Variants in GPC5 observed in about 807,000 individuals in gnomAD.
GPC5 encodes the protein glypican 5.
A neutral mutation model predicts 53.9 loss-of-function variants in GPC5; 47 were observed. That is an observed-to-expected ratio of 0.87 (90% confidence interval 0.69 to 1.11). GPC5 has a LOEUF of 1.11. Ranked by LOEUF, GPC5 falls within the 50% of genes most tolerant of loss-of-function variation. The pLI is 0.00. For synonymous variants in GPC5, 286 were observed against 263.3 expected, an observed-to-expected ratio of 1.09 and a Z score of -0.84; for missense variants, 748 against 713.1, an observed-to-expected ratio of 1.05 and a Z score of -0.56.
intron 7 of GPC5, among the ~76,000 whole-genome samples, chr13:92,296,948 C>T (rs1185908138): frequency 2.6e-5 from 4 of 152,214 alleles, no homozygotes; most frequent in African/African-American, 9.6e-5. Context: ...GAGCCTCCCA[C>T]CCCCTCCATG....
At chr13:92,346,651 A>C (rs766784622) in intron 7 of GPC5, among the ~76,000 whole-genome samples, 1 of 152,232 alleles carries the variant, frequency 6.6e-6, no homozygotes, top group Non-Finnish European at 1.5e-5. Flanking sequence ...GATTATGAAG[A>C]ATTAGGGAAT....
intron 6 of GPC5, among the ~76,000 whole-genome samples, chr13:92,038,666 A>G (rs1282142427): frequency 7.8e-6 from 1 of 128,552 alleles, no homozygotes; most frequent in Non-Finnish European, 1.7e-5. Flanking sequence ...ACTTTAGTAC[A>G]AATCTATATA....
At chr13:91,790,708 A>G (rs2037950634) in intron 5 of GPC5, among the ~76,000 whole-genome samples, 1 of 152,372 alleles carries the variant, frequency 6.6e-6, no homozygotes, top group African/African-American at 2.4e-5. Context: ...ACTTCTCCTC[A>G]ACCTAAATAT....
intron 7 of GPC5, among the ~76,000 whole-genome samples, chr13:92,617,611 T>C (rs1258685399): frequency 6.6e-6 from 1 of 152,208 alleles, no homozygotes; most frequent in Non-Finnish European, 1.5e-5. Flanking sequence ...TCACTTGATA[T>C]GTATTTATGA....
At chr13:92,794,458 C>A (rs1348304732) in intron 7 of GPC5, among the ~76,000 whole-genome samples, 1 of 152,110 alleles carries the variant, frequency 6.6e-6, no homozygotes, top group African/African-American at 2.4e-5. Context: ...GAAGCATTCC[C>A]TTTGAAATCC....
intron 7 of GPC5, among the ~76,000 whole-genome samples, chr13:92,764,173 A>C (rs1370383781): frequency 6.6e-6 from 1 of 152,208 alleles, no homozygotes; most frequent in South Asian, 2.1e-4. Context: ...GGACAAATGC[A>C]ACAGTTACTG....
intron 7 of GPC5, among the ~76,000 whole-genome samples, chr13:92,151,066 G>A (rs149925761): frequency 3.6e-4 from 54 of 151,984 alleles, no homozygotes; most frequent in African/African-American, 1.2e-3. Flanking sequence ...ATTCTGTCTC[G>A]GGATTGATAA....
chr13:91,459,602 C>T (rs1881798858), intron 2 of GPC5, among the ~76,000 whole-genome samples: 1 of 151,950 alleles, frequency 6.6e-6, no homozygotes, highest in Non-Finnish European at 1.5e-5. Flanking sequence ...ACTTGAGTCT[C>T]CAAGTCTGTT....
intron 7 of GPC5, among the ~76,000 whole-genome samples, chr13:92,757,213 C>G (rs574810135): frequency 2.6e-5 from 4 of 152,230 alleles, no homozygotes; most frequent in Admixed American, 6.5e-5. Flanking sequence ...AGAAACCTGA[C>G]AAAAACAAGA....
intron 2 of GPC5, among the ~76,000 whole-genome samples, chr13:91,529,768 T>G (rs1886252485): frequency 6.6e-6 from 1 of 152,162 alleles, no homozygotes; most frequent in Non-Finnish European, 1.5e-5. Flanking sequence ...CTCATAAGAG[T>G]CCTGGGGATT....
At chr13:92,249,874 T>C (rs771700916) in intron 7 of GPC5, among the ~76,000 whole-genome samples, 1 of 152,130 alleles carries the variant, frequency 6.6e-6, no homozygotes, top group Non-Finnish European at 1.5e-5. Flanking sequence ...GTTATCCATT[T>C]ACCTCTCTTA....
chr13:92,091,088 G>C (rs755833225), intron 6 of GPC5, among the ~76,000 whole-genome samples: 1 of 152,198 alleles, frequency 6.6e-6, no homozygotes, highest in East Asian at 1.9e-4. Flanking sequence ...AGAAATAAAT[G>C]TCTGTTTAAG....
intron 2 of GPC5, among the ~76,000 whole-genome samples, chr13:91,628,550 A>G (rs2034072910): frequency 6.6e-6 from 1 of 152,052 alleles, no homozygotes; most frequent in Non-Finnish European, 1.5e-5. Context: ...CAGTTGAAGT[A>G]AAATAATAAG....
chr13:91,423,590 G>C (rs1263520791), intron 1 of GPC5, among the ~76,000 whole-genome samples: 2 of 152,116 alleles, frequency 1.3e-5, no homozygotes, highest in East Asian at 3.9e-4. Flanking sequence ...TGTGGGGTGT[G>C]AATGTGGAAA....
chr13:92,582,376 T>G (rs1883400880), intron 7 of GPC5, among the ~76,000 whole-genome samples: 1 of 152,124 alleles, frequency 6.6e-6, no homozygotes, highest in South Asian at 2.1e-4. Context: ...TGTTTTTATT[T>G]GTTTATGCCT....
chr13:92,519,580 T>C (rs917011731), intron 7 of GPC5, among the ~76,000 whole-genome samples: 7 of 152,090 alleles, frequency 4.6e-5, no homozygotes, highest in African/African-American at 1.7e-4. Context: ...TTGAAACCAA[T>C]GAGAACAAAG....
At chr13:91,800,460 A>G (rs1292239539) in intron 5 of GPC5, among the ~76,000 whole-genome samples, 1 of 128,812 alleles carries the variant, frequency 7.8e-6, no homozygotes, top group Non-Finnish European at 1.6e-5. Context: ...GATACATACT[A>G]AGACCCAGAG....
chr13:92,557,496 T>C (rs1435370191), intron 7 of GPC5, among the ~76,000 whole-genome samples: 1 of 151,982 alleles, frequency 6.6e-6, no homozygotes, highest in Non-Finnish European at 1.5e-5. Flanking sequence ...TTGTGTAGCA[T>C]AGAAATTCAT....
At chr13:92,539,423 A>G (rs1242364569) in intron 7 of GPC5, among the ~76,000 whole-genome samples, 1 of 152,130 alleles carries the variant, frequency 6.6e-6, no homozygotes, top group Non-Finnish European at 1.5e-5. Context: ...ATGACCAGTG[A>G]TGATGAGCAT....
Sources: gnomAD v4.1 joint callset for allele counts (sites outside exome capture counted in the v4.1 genomes callset) on GRCh38, gnomAD v4.1.1 for gene constraint, MANE v1.5 for transcripts, NCBI Gene and HGNC (gene_info 2026-07-23, HGNC 2026-07-21) for gene names.